Variants in PCDH15 observed in about 807,000 individuals in gnomAD.
PCDH15 encodes protocadherin related 15.
PCDH15 carries 129 observed loss-of-function variants against 178.5 expected under a neutral mutation model. That is an observed-to-expected ratio of 0.72 (90% CI 0.63 to 0.84). The LOEUF (loss-of-function observed/expected upper bound fraction) is 0.84. Ranked by LOEUF, PCDH15 falls within the 40% of genes least tolerant of loss-of-function variation. The probability of loss-of-function intolerance (pLI) is 0.00; values close to 1 mark genes in which losing one functional copy is unlikely to be tolerated. For synonymous variants in PCDH15, 800 were observed against 732.0 expected (o/e 1.09, Z -1.50); for missense variants, 2,230 against 2,099.9 (o/e 1.06, Z -1.21).
chr10:53,942,041 A>T (rs1026624925), intron 23 of PCDH15, among the ~76,000 whole-genome samples: 3 of 152,186 alleles, frequency 2.0e-5, no homozygotes, highest in Non-Finnish European at 4.4e-5. Context: ...GGCTTTATAA[A>T]TATCTGGTCC....
intron 1 of PCDH15, among the ~76,000 whole-genome samples, chr10:54,783,952 T>A (rs866025960): frequency 2.6e-5 from 4 of 152,128 alleles, no homozygotes; most frequent in South Asian, 4.1e-4. Flanking sequence ...TAGGGAGGCA[T>A]CAGGAAACTT....
intron 2 of PCDH15, among the ~76,000 whole-genome samples, chr10:55,350,415 T>C (rs1844894815): frequency 6.6e-6 from 1 of 151,470 alleles, no homozygotes; most frequent in African/African-American, 2.4e-5. Context: ...ATTTTCAAAA[T>C]CCTTTTTTTC....
At chr10:53,945,122 T>A (rs1305821553) in intron 23 of PCDH15, among the ~76,000 whole-genome samples, 2 of 152,214 alleles carry the variant, frequency 1.3e-5, no homozygotes, top group Admixed American at 1.3e-4. Flanking sequence ...AAATTTTACA[T>A]GTAAAACAGC....
intron 2 of PCDH15, among the ~76,000 whole-genome samples, chr10:55,062,857 C>G (rs964037649): frequency 2.6e-5 from 4 of 152,194 alleles, no homozygotes; most frequent in Admixed American, 2.6e-4. Flanking sequence ...TGGGAAATCT[C>G]TGTACCTTCC....
At chr10:54,301,241 A>G (rs181257847) in intron 8 of PCDH15, among the ~76,000 whole-genome samples, 4 of 152,314 alleles carry the variant, frequency 2.6e-5, no homozygotes, top group Admixed American at 2.6e-4. Context: ...GGCTTCATCC[A>G]AAACATTAAA....
At chr10:55,380,267 T>C (rs1010654182) in intron 2 of PCDH15, among the ~76,000 whole-genome samples, 10 of 152,088 alleles carry the variant, frequency 6.6e-5, no homozygotes, top group East Asian at 1.9e-4. Flanking sequence ...TAAAAAGACA[T>C]AGGGAAAGAA....
intron 2 of PCDH15, among the ~76,000 whole-genome samples, chr10:55,499,753 T>C (rs1026925271): frequency 2.6e-5 from 4 of 151,752 alleles, no homozygotes; most frequent in Non-Finnish European, 4.4e-5. Context: ...AATAAAACTC[T>C]TCTAAGTTTA....
intron 5 of PCDH15, among the ~76,000 whole-genome samples, chr10:54,364,989 C>T (rs1328620234): frequency 1.3e-5 from 2 of 152,060 alleles, no homozygotes; most frequent in Admixed American, 1.3e-4. Context: ...CTTAGATTGT[C>T]TTTGATCTCC....
chr10:54,655,381 G>A (rs2094379463), intron 2 of PCDH15, among the ~76,000 whole-genome samples: 1 of 150,722 alleles, frequency 6.6e-6, no homozygotes, highest in African/African-American at 2.4e-5. Context: ...GATATTGTAA[G>A]TTACCTCAGA....
chr10:53,833,614 A>G (rs1166778505), intron 29 of PCDH15, among the ~76,000 whole-genome samples: 1 of 150,356 alleles, frequency 6.7e-6, no homozygotes, highest in Non-Finnish European at 1.5e-5. Context: ...AGTGATTTTT[A>G]AACATATTCA....
intron 2 of PCDH15, among the ~76,000 whole-genome samples, chr10:55,158,962 A>AG: frequency 6.6e-6 from 1 of 151,842 alleles, no homozygotes; most frequent in Non-Finnish European, 1.5e-5. Flanking sequence ...TGATGAAGCA[A>AG]TTTTTAAAAT....
At chr10:55,026,125 T>A (rs1482837390) in intron 2 of PCDH15, among the ~76,000 whole-genome samples, 1 of 151,970 alleles carries the variant, frequency 6.6e-6, no homozygotes, top group Non-Finnish European at 1.5e-5. Flanking sequence ...TACCACACAA[T>A]GTAAGTCATT....
Position 53,811,474 on chromosome 10 carries a change from TAATA to T in PCDH15, c.4562+71_4562+74del, listed in dbSNP as rs982138760. 78 of 910,916 alleles carry T rather than the reference TAATA, an allele frequency of 8.6e-5. 1 individual carries two copies. The African/African-American group carries it at 1.1e-3, about 13-fold the overall frequency. 56.4% of individuals were successfully genotyped at this position (910,916 alleles called of 1,614,324 possible). A position where few individuals can be genotyped will look rare whatever the true frequency, so the allele number is the denominator to read the frequency against. On this transcript the variant is annotated intron_variant, in intron 36 of 37. Transcript: ENST00000644397. ...TGACATTAAAAACAAATTCTAGTAA[TAATA>T]ATCATTTAATAATTTCCTATTAATA... is the stretch of plus-strand genomic sequence containing the variant.
chr10:54,199,765 G>A (rs2050046909), intron 10 of PCDH15, among the ~76,000 whole-genome samples: 1 of 151,806 alleles, frequency 6.6e-6, no homozygotes, highest in Non-Finnish European at 1.5e-5. Context: ...GAATAAGGTG[G>A]TATTTTAAAA....
intron 2 of PCDH15, among the ~76,000 whole-genome samples, chr10:55,616,068 A>G (rs1289664151): frequency 6.6e-6 from 1 of 152,210 alleles, no homozygotes; most frequent in African/African-American, 2.4e-5. Flanking sequence ...TCTAAGTGGG[A>G]CAACAGTTTC....
At chr10:55,363,217 C>CTGA (rs1845271865) in intron 2 of PCDH15, among the ~76,000 whole-genome samples, 1 of 152,152 alleles carries the variant, frequency 6.6e-6, no homozygotes, top group Non-Finnish European at 1.5e-5. Flanking sequence ...TACATTCTTA[C>CTGA]ATGTATCAAT....
At position 54,860,753 on chromosome 10, in the gene PCDH15, T is replaced by G. The variant is rs1002499263; in HGVS notation, c.-29+36697A>C. 2.6e-5 allele frequency among the ~76,000 whole-genome samples: 4 copies of G among 152,270 alleles called. No individual in the cohort carries two copies. The East Asian group carries it at 7.7e-4, about 29-fold the overall frequency. On this transcript the variant is annotated intron_variant, in intron 3 of 5. Coordinates refer to the PCDH15 transcript ENST00000458638. The stretch of plus-strand genomic sequence containing the variant: ...TGCTTTCCACAATGGCTGAACTAAT[T>G]TTTATTCACACAAACTCTACTGAAA...
At chr10:55,119,031 T>C (rs766401498) in intron 2 of PCDH15, among the ~76,000 whole-genome samples, 9 of 152,164 alleles carry the variant, frequency 5.9e-5, no homozygotes, top group Non-Finnish European at 5.9e-5. Context: ...AGTTCTCTCA[T>C]GGGCCCTGCA....
chr10:54,921,127 C>T (rs895283647), intron 2 of PCDH15, among the ~76,000 whole-genome samples: 1 of 152,048 alleles, frequency 6.6e-6, no homozygotes, highest in African/African-American at 2.4e-5. Context: ...GTAAAAGACT[C>T]TTATCCATAA....
Sources: allele counts gnomAD v4.1 joint callset (sites outside exome capture counted in the v4.1 genomes callset), GRCh38; gene constraint gnomAD v4.1.1; transcripts MANE v1.5; gene names NCBI Gene and HGNC (gene_info 2026-07-23, HGNC 2026-07-21).